Variants in PRCD observed in about 807,000 individuals in gnomAD.
The protein encoded by PRCD is photoreceptor disk component PRCD.
Under a neutral mutation model 10.1 loss-of-function variants are expected in PRCD, and 12 were observed. The ratio of observed to expected loss-of-function variants is 1.18; its 90% CI spans 0.76 to 1.92. The LOEUF (loss-of-function observed/expected upper bound fraction) is 1.92, where lower values mean the gene tolerates loss of function less well. Among genes scored for constraint, PRCD ranks in the 40% most tolerant of loss-of-function variants. PRCD has a pLI of 0.00. For synonymous variants in PRCD, 31 were observed against 26.2 expected, an observed-to-expected ratio of 1.18 and a Z score of -0.56; for missense variants, 61 against 72.2, an observed-to-expected ratio of 0.84 and a Z score of 0.56.
chr17:76,547,953 TACAC>T (rs201737890), downstream of PRCD, among the ~76,000 whole-genome samples: 3 of 149,342 alleles, frequency 2.0e-5, no homozygotes, highest in Non-Finnish European at 3.0e-5. Flanking sequence ...CACACACATA[TACAC>T]ACACATACAC....
intron 1 of PRCD, chr17:76,552,915 A>G (rs1182354544): frequency 7.1e-6 from 1 of 140,780 alleles, no homozygotes; most frequent in South Asian, 2.3e-4. Context: ...TATATATATA[A>G]AACATGTATA....
rs2074837913 is a variant in PRCD, at chr17:76,531,284, G to T, written n.45+3451G>T. The T allele has an allele frequency of 1.6e-6, 2 of 1,217,146 alleles. No individual in the cohort carries two copies. Among genetic ancestry groups the T allele is most frequent in the Non-Finnish European group, 2.3e-6 (2 of 873,642 alleles). The allele number at this position is 1,217,146 out of a possible 1,614,324, so 75.4% of individuals were successfully genotyped here. A position where few individuals can be genotyped will look rare whatever the true frequency, so the allele number is the denominator to read the frequency against. ...AGCTTTGGGAACCCCGTGCTCTCAG[G>T]ACAAGGGTTGCCCTGGACCCAGCCC... On this transcript the variant is annotated intron_variant and non_coding_transcript_variant, in intron 1 of 4. Transcript: ENST00000397633. The surrounding 1 kb of genome is among the most constrained non-coding windows in gnomAD (Gnocchi z 7.4).
At chr17:76,539,958 G>A (rs942091796), upstream of PRCD, 8 of 635,790 alleles carry the variant, frequency 1.3e-5, no homozygotes, top group Non-Finnish European at 1.9e-5. Flanking sequence ...GGCCCAGTGA[G>A]CTTAATCAGT....
downstream of PRCD, among the ~76,000 whole-genome samples, chr17:76,548,735 G>T (rs961359246): frequency 4.6e-5 from 7 of 152,258 alleles, no homozygotes; most frequent in African/African-American, 1.7e-4. Flanking sequence ...CAACTGTAAT[G>T]AACTGTGTCT....
chr17:76,528,547 G>T lies in PRCD; in HGVS notation n.45+714G>T. The T allele has an allele frequency of 7.8e-7, 1 of 1,289,210 alleles. No individual in the cohort carries two copies. The highest frequency in any genetic ancestry group is 9.9e-7 in the Non-Finnish European group (1 of 1,009,676). 79.9% of individuals were successfully genotyped at this position (1,289,210 alleles called of 1,614,324 possible). A position where few individuals can be genotyped will look rare whatever the true frequency, so the allele number is the denominator to read the frequency against. ...CAGAACTCGGCCTTCTGCTCGAGGTGCTGCCAGGGAGGGGGGTGGAGTTAG... is the reference window on the plus strand; with the variant it reads ...CAGAACTCGGCCTTCTGCTCGAGGTTCTGCCAGGGAGGGGGGTGGAGTTAG... On this transcript the variant is annotated intron_variant and non_coding_transcript_variant, in intron 1 of 4. Coordinates refer to the PRCD transcript ENST00000397633. The surrounding 1 kb of genome is among the most constrained non-coding windows in gnomAD (Gnocchi z 5.8).
At chr17:76,550,633 C>T (rs552929920) in intron 1 of PRCD, 6 of 152,350 alleles carry the variant, frequency 3.9e-5, no homozygotes, top group Middle Eastern at 3.4e-3. Context: ...GGTCTATACA[C>T]TTATTGGACT....
At position 76,540,626 on chromosome 17, in the gene PRCD, GC is replaced by G. The variant is rs1165825110; in HGVS notation, c.143+54del. On this transcript the variant is annotated intron_variant, in intron 2 of 4. Transcript: ENST00000592014. This position sits in a 1 kb window ranked among gnomAD's most constrained non-coding sequence, Gnocchi z 5.0. ...GGAGGGTGCTGCCAAGGAAGCTGTG[GC>G]TGTGCATGCCTGGGGGTGCACGTGT... The G allele has an allele frequency of 6.4e-7, 1 of 1,561,136 alleles. No homozygotes were observed. Among genetic ancestry groups the G allele is most frequent in the Non-Finnish European group, 8.8e-7 (1 of 1,134,712 alleles).
At chr17:76,535,453 CAG>C (rs1240053335), upstream of PRCD, among the ~76,000 whole-genome samples, 1 of 152,092 alleles carries the variant, frequency 6.6e-6, no homozygotes. Context: ...AGGCCCTGGA[CAG>C]AGACAGGAGG....
At chr17:76,551,202 G>A (rs1462088401) in intron 1 of PRCD, 1 of 152,176 alleles carries the variant, frequency 6.6e-6, no homozygotes, top group Non-Finnish European at 1.5e-5. Flanking sequence ...GCAGTGAAGG[G>A]ACTTTCAAGG....
intron 1 of PRCD, chr17:76,552,959 ATG>A (rs1288034321): frequency 4.7e-5 from 7 of 149,242 alleles, no homozygotes; most frequent in South Asian, 2.1e-4. Flanking sequence ...ATACATATAT[ATG>A]TGTGTGTATA....
At chr17:76,548,985 G>A (rs116778275), downstream of PRCD, among the ~76,000 whole-genome samples, 726 of 152,234 alleles carry the variant, frequency 4.8e-3, 5 homozygotes, top group African/African-American at 0.017. Flanking sequence ...CAGAATCAGA[G>A]GTCAAGACAG....
Position 76,531,270 on chromosome 17 carries a change from C to A in PRCD, n.45+3437C>A. On this transcript the variant is annotated intron_variant and non_coding_transcript_variant, in intron 1 of 4. Transcript: ENST00000397633. This position sits in a 1 kb window ranked among gnomAD's most constrained non-coding sequence, Gnocchi z 7.4. ...CGCAACAGTCTGGCAGCTTTGGGAA[C>A]CCCGTGCTCTCAGGACAAGGGTTGC... The A allele has an allele frequency of 8.1e-7, 1 of 1,237,366 alleles. No homozygotes were observed. Among genetic ancestry groups the A allele is most frequent in the Non-Finnish European group, 1.1e-6 (1 of 891,054 alleles). 76.6% of individuals were successfully genotyped at this position (1,237,366 alleles called of 1,614,324 possible). A position where few individuals can be genotyped will look rare whatever the true frequency, so the allele number is the denominator to read the frequency against.
upstream of PRCD, among the ~76,000 whole-genome samples, chr17:76,535,892 C>G (rs1392700142): frequency 6.6e-6 from 1 of 152,224 alleles, no homozygotes; most frequent in African/African-American, 2.4e-5. Flanking sequence ...CTCCAAGGTC[C>G]TGAGGACCCT....
In PRCD at chr17:76,530,869, G is replaced by C. The variant is rs764115111; in HGVS notation, n.45+3036G>C. On this transcript the variant is annotated intron_variant and non_coding_transcript_variant, in intron 1 of 4. Transcript: ENST00000397633. This position sits in a 1 kb window ranked among gnomAD's most constrained non-coding sequence, Gnocchi z 6.1. ...ACCCCAGGGTTGGCCTGCCTCAAGT[G>C]TGCCTGCCCAGGTGATCAGCCCCAG... 9.3e-6 allele frequency: 12 copies of C among 1,285,226 alleles called. No individual in the cohort carries two copies. Among genetic ancestry groups the C allele is most frequent in the Non-Finnish European group, 1.2e-5 (11 of 951,536 alleles). 79.6% of individuals were successfully genotyped at this position (1,285,226 alleles called of 1,614,324 possible).
intron 1 of PRCD, chr17:76,532,113 A>G (rs367679412): frequency 6.0e-6 from 1 of 167,220 alleles, no homozygotes; most frequent in African/African-American, 2.4e-5. Context: ...TACTGCTTTC[A>G]TGAAGTCATG....
Position 76,528,676 on chromosome 17 carries a change from A to AG in PRCD, n.45+848dup. On this transcript the variant is annotated intron_variant and non_coding_transcript_variant, in intron 1 of 4. Coordinates refer to the PRCD transcript ENST00000397633. The surrounding 1 kb of genome is among the most constrained non-coding windows in gnomAD (Gnocchi z 5.8). The stretch of plus-strand genomic sequence containing the variant: ...AGGCAGGGAAGGACCCTCGGGGGAA[A>AG]GGGGGAGGACCTGGGGCTGGCGAGG... 1 of 1,237,888 alleles carries AG rather than the reference A, an allele frequency of 8.1e-7. No individual in the cohort carries two copies. Among genetic ancestry groups the AG allele is most frequent in the Non-Finnish European group, 1.0e-6 (1 of 976,754 alleles). The allele number at this position is 1,237,888 out of a possible 1,614,324, so 76.7% of individuals were successfully genotyped here.
intron 1 of PRCD, chr17:76,550,985 G>A (rs1316533290): frequency 6.6e-6 from 1 of 152,192 alleles, no homozygotes; most frequent in African/African-American, 2.4e-5. Context: ...AGAGAAGTGA[G>A]GTGACCTTTG....
chr17:76,549,764 C>T (rs545043728), downstream of PRCD, among the ~76,000 whole-genome samples: 7 of 152,108 alleles, frequency 4.6e-5, no homozygotes, highest in South Asian at 4.2e-4. Context: ...CTGCTGATGC[C>T]GACGACATGG....
intron 1 of PRCD, chr17:76,529,662 A>G: frequency 1.0e-6 from 1 of 985,228 alleles, no homozygotes; most frequent in Non-Finnish European, 1.2e-6. Flanking sequence ...AGGGCAGGCA[A>G]GCCCCCTCCC....
Sources: allele counts gnomAD v4.1 joint callset (sites outside exome capture counted in the v4.1 genomes callset), GRCh38; gene constraint gnomAD v4.1.1; non-coding constraint Gnocchi (gnomAD v3.1); transcripts MANE v1.5; gene names NCBI Gene and HGNC (gene_info 2026-07-23, HGNC 2026-07-21).